TTC13: variants seen among roughly 807,000 people sequenced by gnomAD.
TTC13 encodes tetratricopeptide repeat protein 13.
TTC13 carries 62 observed loss-of-function variants against 120.0 expected under a neutral mutation model. That is an observed-to-expected ratio of 0.52 (90% confidence interval 0.42 to 0.64). The LOEUF (loss-of-function observed/expected upper bound fraction) is 0.64, where lower values mean the gene tolerates loss of function less well. TTC13 is among the 30% of genes least tolerant of loss of function. TTC13 has a pLI of 0.00. For synonymous variants in TTC13, 384 were observed against 393.5 expected, an observed-to-expected ratio of 0.98 and a Z score of 0.28; for missense variants, 824 against 1,050.2, an observed-to-expected ratio of 0.78 and a Z score of 2.98.
In TTC13 at chr1:230,907,479, GT is replaced by G. The variant is rs1367594275; in HGVS notation, c.2469-461del. Among the ~76,000 whole-genome samples, 52 of 152,248 alleles carry G rather than the reference GT, an allele frequency of 3.4e-4. 1 individual carries two copies. Among genetic ancestry groups the G allele is most frequent in the African/African-American group, 1.2e-3 (51 of 41,470 alleles). The stretch of plus-strand genomic sequence containing the variant: ...CGCTGTAAAGCGTTAACTGCAGGAT[GT>G]AAGGTAGCATTGTTATTCTTTCCTT... On this transcript the variant is annotated intron_variant, in intron 22 of 22. Coordinates refer to ENST00000366661, the MANE Select transcript of TTC13 (RefSeq NM_024525.5).
chr1:230,916,263 T>C lies in TTC13; in HGVS notation c.2023A>G (p.Thr675Ala), dbSNP rs766637522. The part of the protein sequence containing the change: ...TKTKDGFTVN[T>A]KVPSLKDQGK... ...TGGTCTTTAAGGCTGGGAACTTTTGTGTTCACGGTGAACCCATCCTTCGTT... is the reference window on the plus strand; with the variant it reads ...TGGTCTTTAAGGCTGGGAACTTTTGCGTTCACGGTGAACCCATCCTTCGTT... The change falls in exon 18 of 23, where the codon ACA becomes GCA. Residue 675 changes from threonine (T) to alanine (A), a missense_variant. By Grantham distance (58) the Thr-to-Ala change is moderately conservative. Coordinates refer to ENST00000366661, the MANE Select transcript of TTC13 (RefSeq NM_024525.5). 3.1e-6 allele frequency: 5 copies of C among 1,614,190 alleles called. No homozygotes were observed. Among genetic ancestry groups the C allele is most frequent in the South Asian group, 1.1e-5 (1 of 91,084 alleles).
Position 230,923,873 on chromosome 1 carries a change from G to C in TTC13, c.1782C>G (p.Ser594Arg). ...WLDQMPARSL[S>R]RGFNNHINLI... The stretch of plus-strand genomic sequence containing the variant: ...AATTAATGTGGTTGTTAAAACCTCT[G>C]CTAAGACTTCGTGCTGGCATTTGAT... Residue 594 changes from serine (S) to arginine (R), a missense_variant, in exon 15 of 23, where the codon AGC becomes AGG. By Grantham distance (110) the Ser-to-Arg change is moderately radical. Around this residue, in one of 4 missense-constraint regions of TTC13, gnomAD observed 430 missense variants for 626.8 expected, o/e 0.69. Transcript: ENST00000366661. The C allele has an allele frequency of 6.2e-7, 1 of 1,614,006 alleles. No homozygotes were observed. The highest frequency in any genetic ancestry group is 1.1e-5 in the South Asian group (1 of 91,060).
chr1:230,919,164 T>C (rs1215661209), intron 17 of TTC13, among the ~76,000 whole-genome samples: 3 of 152,188 alleles, frequency 2.0e-5, no homozygotes, highest in Non-Finnish European at 4.4e-5. Context: ...CATACTATCA[T>C]ACTTTTGTAT....
intron 1 of TTC13, among the ~76,000 whole-genome samples, chr1:230,977,159 C>G (rs753347199): frequency 1.3e-5 from 2 of 152,172 alleles, no homozygotes; most frequent in Non-Finnish European, 2.9e-5. Context: ...GAGCCACCAT[C>G]TAATGAGGTG....
At chr1:230,964,280 T>C (rs1676922872) in intron 1 of TTC13, among the ~76,000 whole-genome samples, 1 of 152,192 alleles carries the variant, frequency 6.6e-6, no homozygotes, top group South Asian at 2.1e-4. Context: ...CCACTTACAA[T>C]AGATTCCAAC....
chr1:230,938,384 G>T (rs1268655486), intron 8 of TTC13, among the ~76,000 whole-genome samples: 1 of 152,136 alleles, frequency 6.6e-6, no homozygotes. Context: ...CAGGTTCCAG[G>T]CCCCCGGCTC....
chr1:230,971,534 A>G (rs1235669722), intron 1 of TTC13, among the ~76,000 whole-genome samples: 1 of 152,186 alleles, frequency 6.6e-6, no homozygotes, highest in Non-Finnish European at 1.5e-5. Flanking sequence ...TATTATCGTA[A>G]AGCAAATTGA....
At chr1:230,915,794 T>C (rs554901204) in intron 18 of TTC13, among the ~76,000 whole-genome samples, 2,089 of 151,996 alleles carry the variant, frequency 0.014, 21 homozygotes, top group Non-Finnish European at 0.023. Flanking sequence ...TCTCTCTCTC[T>C]CTCTATATAT....
At chr1:230,954,480 T>G (rs955465839) in intron 3 of TTC13, 77 bp from the exon 4 acceptor site, 2 of 1,156,396 alleles carry the variant, frequency 1.7e-6, no homozygotes, top group Non-Finnish European at 1.2e-6. Context: ...AATGCTTTGG[T>G]AAATCTCCAA....
At chr1:230,925,411 T>C (rs747540694) in intron 13 of TTC13, 106 bp downstream of exon 13, 17 of 1,280,180 alleles carry the variant, frequency 1.3e-5, no homozygotes, top group Admixed American at 2.1e-5. Flanking sequence ...CATGGAGAAT[T>C]TGAATAAGCA....
intron 4 of TTC13, among the ~76,000 whole-genome samples, chr1:230,946,177 C>T (rs185678523): frequency 1.3e-5 from 2 of 152,132 alleles, no homozygotes; most frequent in Non-Finnish European, 2.9e-5. Context: ...TTAGCCTCTA[C>T]AATTTTTACT....
chr1:230,938,390 G>A (rs573907635), intron 8 of TTC13, among the ~76,000 whole-genome samples: 7 of 152,248 alleles, frequency 4.6e-5, no homozygotes, highest in African/African-American at 9.6e-5. Context: ...CCAGGCCCCC[G>A]GCTCCTGTCA....
At chr1:230,934,468 G>A (rs964534315) in intron 8 of TTC13, among the ~76,000 whole-genome samples, 8 of 152,324 alleles carry the variant, frequency 5.3e-5, no homozygotes, top group Non-Finnish European at 1.2e-4. Flanking sequence ...CACCAAGTCT[G>A]TGGCTAAGAA....
At chr1:230,968,839 G>A (rs1201319114) in intron 1 of TTC13, among the ~76,000 whole-genome samples, 1 of 152,222 alleles carries the variant, frequency 6.6e-6, no homozygotes, top group African/African-American at 2.4e-5. Context: ...TTGGGCTTGA[G>A]TCAAGTGATT....
Position 230,916,174 on chromosome 1 carries a change from C to G in TTC13, c.2093+19G>C, listed in dbSNP as rs758641365. ...CTGCCTCGTCTCTAGTTTACACCCA[C>G]ATTAAGAAGCGCACATACTTGTCTC... On this transcript the variant is annotated intron_variant, in intron 18 of 22. Transcript: ENST00000366661. The G allele has an allele frequency of 7.0e-6, 11 of 1,566,656 alleles. No homozygotes were observed. The Middle Eastern group carries it at 6.7e-4, about 95-fold the overall frequency.
Position 230,978,849 on chromosome 1 carries a change from C to A in TTC13, c.-19G>T. 1.4e-6 allele frequency: 2 copies of A among 1,451,872 alleles called. No homozygotes were observed. The highest frequency in any genetic ancestry group is 1.5e-5 in the African/African-American group (1 of 67,510). 89.9% of individuals were successfully genotyped at this position (1,451,872 alleles called of 1,614,324 possible). The stretch of plus-strand genomic sequence containing the variant: ...GTGCCATCTTCCCTCAAGGCGCATG[C>A]GCGACAGCCCTTGCCCGGCTCTCAG... On this transcript the variant is annotated 5_prime_UTR_variant, in exon 1 of 23. Coordinates refer to ENST00000366661, the MANE Select transcript of TTC13 (RefSeq NM_024525.5). The surrounding 1 kb of genome is among the most constrained non-coding windows in gnomAD (Gnocchi z 5.6).
intron 1 of TTC13, among the ~76,000 whole-genome samples, chr1:230,967,032 C>T (rs1336726494): frequency 6.6e-6 from 1 of 152,130 alleles, no homozygotes; most frequent in Non-Finnish European, 1.5e-5. Context: ...GTCCAACTGC[C>T]TAGTGCTGAA....
intron 4 of TTC13, among the ~76,000 whole-genome samples, chr1:230,949,176 A>ATT (rs1675295514): frequency 6.6e-6 from 1 of 151,782 alleles, no homozygotes; most frequent in African/African-American, 2.4e-5. Context: ...GAAGACAAAG[A>ATT]TTTGCCTATC....
intron 20 of TTC13, among the ~76,000 whole-genome samples, chr1:230,910,060 C>T (rs188343521): frequency 9.8e-5 from 15 of 152,286 alleles, no homozygotes; most frequent in Non-Finnish European, 2.1e-4. Flanking sequence ...ATAAAGACAG[C>T]TCTCACCCAT....
Sources: gnomAD v4.1 joint callset for allele counts (sites outside exome capture counted in the v4.1 genomes callset) on GRCh38, gnomAD v4.1.1 for gene constraint, gnomAD v4.1.1 regional missense constraint, Gnocchi (gnomAD v3.1) non-coding constraint, MANE v1.5 for transcripts, NCBI Gene and HGNC (gene_info 2026-07-23, HGNC 2026-07-21) for gene names.